Variants in DLGAP2 observed in about 807,000 individuals in gnomAD.
DLGAP2 encodes the protein DLG associated protein 2, also known as disks large-associated protein 2.
In DLGAP2, 26 loss-of-function variants were observed where a neutral mutation model predicts 100.3. The ratio of observed to expected loss-of-function variants is 0.26; its 90% CI spans 0.19 to 0.36. The LOEUF (loss-of-function observed/expected upper bound fraction) is 0.36, where lower values mean the gene tolerates loss of function less well. Ranked by LOEUF, DLGAP2 falls within the 10% of genes least tolerant of loss-of-function variation. The pLI, the probability that DLGAP2 is intolerant of heterozygous loss-of-function variation, is 1.00. For synonymous variants in DLGAP2, 886 were observed against 630.1 expected (o/e 1.41, Z -6.08); for missense variants, 1,858 against 1,453.2 (o/e 1.28, Z -4.53).
At chr8:989,128 C>T (rs1358330108) in intron 2 of DLGAP2, among the ~76,000 whole-genome samples, 4 of 152,182 alleles carry the variant, frequency 2.6e-5, no homozygotes, top group African/African-American at 9.6e-5. Flanking sequence ...TCCCAGCCTT[C>T]AGCCCTGCGC....
chr8:1,341,722 G>A (rs1392566451), intron 3 of DLGAP2, among the ~76,000 whole-genome samples: 2 of 152,170 alleles, frequency 1.3e-5, no homozygotes, highest in African/African-American at 2.4e-5. Flanking sequence ...ATCACTGCCC[G>A]CCCTTTTGGG....
At chr8:783,706 C>G (rs960050260) in intron 1 of DLGAP2, among the ~76,000 whole-genome samples, 1 of 152,158 alleles carries the variant, frequency 6.6e-6, no homozygotes, top group Non-Finnish European at 1.5e-5. Flanking sequence ...TGTTCTCAAA[C>G]TCACCCTTCC....
chr8:1,691,510 T>C lies in DLGAP2; in HGVS notation c.2705-25T>C. ...ACCCAGTTTTGAAGTTGTTGTTTTTTTGTTTTTGTTTTTGTTTTAAACAGT... is the reference window on the plus strand; with the variant it reads ...ACCCAGTTTTGAAGTTGTTGTTTTTCTGTTTTTGTTTTTGTTTTAAACAGT... On this transcript the variant is annotated intron_variant, in intron 12 of 14. Coordinates refer to ENST00000637795, the MANE Select transcript of DLGAP2 (RefSeq NM_001346810.2). 4 of 1,597,682 alleles carry C rather than the reference T, an allele frequency of 2.5e-6. No individual in the cohort carries two copies. The Admixed American group carries it at 5.2e-5, about 21-fold the overall frequency.
intron 3 of DLGAP2, among the ~76,000 whole-genome samples, chr8:1,413,608 C>T (rs1247593342): frequency 6.6e-6 from 1 of 152,222 alleles, no homozygotes; most frequent in African/African-American, 2.4e-5. Context: ...TGTTCGAAGG[C>T]CCTTCTCTGG....
intron 1 of DLGAP2, among the ~76,000 whole-genome samples, chr8:889,798 C>G (rs537946469): frequency 1.6e-3 from 243 of 152,354 alleles, no homozygotes; most frequent in Middle Eastern, 0.01. Context: ...CACCCCTCCC[C>G]CCAGGAGTTC....
intron 1 of DLGAP2, among the ~76,000 whole-genome samples, chr8:811,989 T>C (rs1244336815): frequency 6.6e-6 from 1 of 152,232 alleles, no homozygotes; most frequent in African/African-American, 2.4e-5. Context: ...GCCGGAATTC[T>C]GGAAGGACAT....
At chr8:1,665,903 C>T (rs1278719119) in intron 8 of DLGAP2, among the ~76,000 whole-genome samples, 4 of 152,228 alleles carry the variant, frequency 2.6e-5, no homozygotes, top group African/African-American at 9.7e-5. Flanking sequence ...GCCCTCCTCA[C>T]ATCTCCACCC....
chr8:800,418 C>A (rs1274781512), intron 1 of DLGAP2, among the ~76,000 whole-genome samples: 2 of 152,232 alleles, frequency 1.3e-5, no homozygotes, highest in African/African-American at 4.8e-5. Flanking sequence ...CGGTTGTACA[C>A]AACCATGTAA....
At chr8:1,608,733 C>G (rs1216082548) in intron 6 of DLGAP2, among the ~76,000 whole-genome samples, 4 of 145,388 alleles carry the variant, frequency 2.8e-5, no homozygotes, top group Non-Finnish European at 6.0e-5. Context: ...TCGAGAACTA[C>G]GTGAAGAATG....
At chr8:937,792 C>A (rs1178497548) in intron 2 of DLGAP2, among the ~76,000 whole-genome samples, 1 of 152,164 alleles carries the variant, frequency 6.6e-6, no homozygotes, top group Non-Finnish European at 1.5e-5. Context: ...TGTTCCCTGT[C>A]TAGGCCTCAT....
intron 3 of DLGAP2, among the ~76,000 whole-genome samples, chr8:1,335,942 C>T (rs936792267): frequency 2.0e-5 from 3 of 152,216 alleles, no homozygotes; most frequent in Non-Finnish European, 2.9e-5. Flanking sequence ...CGTGGTGACG[C>T]GGGAGGCATC....
rs530988593 is a variant in DLGAP2 at position 1,624,528 on chromosome 8, G to C, written c.1443-2212G>C. 6.0e-4 allele frequency among the ~76,000 whole-genome samples: 91 copies of C among 151,912 alleles called. 1 individual carries two copies. Among genetic ancestry groups the C allele is most frequent in the African/African-American group, 2.0e-3 (84 of 41,464 alleles). ...TCCACGCATCCATCAACCTGAGCCT[G>C]AAACTTGTGACCGTGTCTCAGGATG... is the stretch of plus-strand genomic sequence containing the variant. On this transcript the variant is annotated intron_variant, in intron 6 of 14. Coordinates refer to ENST00000637795, the MANE Select transcript of DLGAP2 (RefSeq NM_001346810.2).
chr8:1,561,704 A>G (rs1458364930), intron 5 of DLGAP2, among the ~76,000 whole-genome samples: 80 of 134,604 alleles, frequency 5.9e-4, no homozygotes, highest in Middle Eastern at 4.0e-3. Context: ...TTACTGGGGG[A>G]CTGTGTGGTG....
At chr8:1,506,112 A>T (rs1799903732) in intron 4 of DLGAP2, among the ~76,000 whole-genome samples, 1 of 152,244 alleles carries the variant, frequency 6.6e-6, no homozygotes, top group South Asian at 2.1e-4. Flanking sequence ...ATATAATAGA[A>T]CATCAGCTAG....
chr8:1,000,111 A>G (rs1013967189), intron 2 of DLGAP2, among the ~76,000 whole-genome samples: 15 of 148,642 alleles, frequency 1.0e-4, no homozygotes, highest in African/African-American at 3.5e-4. Flanking sequence ...GATTTTCTCT[A>G]GAGCAGACAG....
intron 3 of DLGAP2, among the ~76,000 whole-genome samples, chr8:1,360,377 T>C (rs150528160): frequency 6.0e-4 from 92 of 152,144 alleles, no homozygotes; most frequent in East Asian, 4.8e-3. Context: ...CTAGAGGCTT[T>C]GCGCTGCGTC....
intron 2 of DLGAP2, among the ~76,000 whole-genome samples, chr8:966,121 A>C (rs942284512): frequency 1.3e-5 from 2 of 152,192 alleles, no homozygotes; most frequent in African/African-American, 2.4e-5. Flanking sequence ...AGACCAGAGC[A>C]GGGGCATCAT....
At chr8:1,690,865 A>G (rs1055978865) in intron 12 of DLGAP2, among the ~76,000 whole-genome samples, 5 of 152,134 alleles carry the variant, frequency 3.3e-5, no homozygotes, top group African/African-American at 1.2e-4. Flanking sequence ...TACTGGGTAC[A>G]TGGATTGGTG....
At chr8:818,604 T>C (rs1485542947) in intron 1 of DLGAP2, among the ~76,000 whole-genome samples, 2 of 152,208 alleles carry the variant, frequency 1.3e-5, no homozygotes, top group Non-Finnish European at 1.5e-5. Flanking sequence ...TACATGCTGC[T>C]CTGTACATCC....
Sources: gnomAD v4.1 joint callset for allele counts (sites outside exome capture counted in the v4.1 genomes callset) on GRCh38, gnomAD v4.1.1 for gene constraint, MANE v1.5 for transcripts, NCBI Gene and HGNC (gene_info 2026-07-23, HGNC 2026-07-21) for gene names.